Variants in PTPRS observed in about 807,000 individuals in gnomAD.
PTPRS encodes protein tyrosine phosphatase receptor type S.
PTPRS carries 63 observed loss-of-function variants against 215.3 expected under a neutral mutation model. The observed-to-expected ratio is 0.29, with a 90% CI of 0.24 to 0.36. PTPRS has a LOEUF of 0.36. Among genes scored for constraint, PTPRS ranks in the 10% least tolerant of loss-of-function variants. PTPRS has a pLI of 1.00. For missense variants in PTPRS, 2,258 were observed against 2,825.8 expected (o/e 0.80, Z 4.56); for synonymous variants, 1,404 against 1,191.4 (o/e 1.18, Z -3.68).
Position 5,223,291 on chromosome 19 carries a change from C to T in PTPRS, c.2501G>A (p.Gly834Asp). The change falls in exon 18 of 38, where the codon GGC (glycine) becomes GAC (aspartate). Residue 834 changes from glycine to aspartate, a missense_variant. This residue lies in a region of PTPRS where 371 missense variants were observed against 446.7 expected (regional missense o/e 0.83). Coordinates refer to ENST00000262963, the MANE Select transcript of PTPRS (RefSeq NM_002850.4). ...KVVVTKGAVL[G>D]RPTLSVQQTP... ...CTGCTGCACCGACAGGGTTGGGCGG[C>T]CCAGCACTGCGGGGATACGGGGCAG... is the stretch of plus-strand genomic sequence containing the variant. 1 of 1,460,508 alleles carries T rather than the reference C, an allele frequency of 6.8e-7. No individual in the cohort carries two copies. The highest frequency in any genetic ancestry group is 1.4e-5 in the South Asian group (1 of 69,252). 90.5% of individuals were successfully genotyped at this position (1,460,508 alleles called of 1,614,324 possible). A position where few individuals can be genotyped will look rare whatever the true frequency, so the allele number is the denominator to read the frequency against.
chr19:5,222,320 C>T (rs541965693), intron 18 of PTPRS, 100 bp from the exon 19 acceptor site: 276 of 974,548 alleles, frequency 2.8e-4, no homozygotes, highest in East Asian at 3.7e-4. Context: ...GCGGCCCAGG[C>T]GCTCCCTGTC....
Position 5,206,828 on chromosome 19 carries a change from G to T in PTPRS, c.5793C>A (p.Phe1931Leu). 1.2e-6 allele frequency: 2 copies of T among 1,614,132 alleles called. No homozygotes were observed. Among genetic ancestry groups the T allele is most frequent in the Non-Finnish European group, 8.5e-7 (1 of 1,179,982 alleles). Reference sequence around the variant, plus strand: ...GGTACTCCAGTGCCGCCTGGTAACAGAACTGGTACTCATCCTGGGGGAGCA... The same window carrying T: ...GGTACTCCAGTGCCGCCTGGTAACATAACTGGTACTCATCCTGGGGGAGCA... ...AMVQTEDEYQ[F>L]CYQAALEYLG... The change falls in exon 38 of 38, where the codon TTC becomes TTA. Residue 1931 changes from phenylalanine (F) to leucine (L), a missense_variant. This residue lies in a region of PTPRS where 89 missense variants were observed against 104.0 expected (regional missense o/e 0.86). Coordinates refer to ENST00000262963, the MANE Select transcript of PTPRS (RefSeq NM_002850.4).
At chr19:5,265,366 G>C (rs2046325272) in intron 4 of PTPRS, among the ~76,000 whole-genome samples, 170 bp from the exon 5 acceptor site, 2 of 152,120 alleles carry the variant, frequency 1.3e-5, no homozygotes, top group Admixed American at 1.3e-4. Context: ...TTTTGAGACA[G>C]GGTCTTGCTC....
At chr19:5,217,355 C>CGTGT (rs1194788686) in intron 25 of PTPRS, among the ~76,000 whole-genome samples, 1 of 152,202 alleles carries the variant, frequency 6.6e-6, no homozygotes, top group African/African-American at 2.4e-5. Context: ...ATTTAAAATT[C>CGTGT]TCATTTGGCT....
At chr19:5,328,527 C>T (rs531666066) in intron 1 of PTPRS, among the ~76,000 whole-genome samples, 20 of 152,234 alleles carry the variant, frequency 1.3e-4, no homozygotes, top group South Asian at 4.1e-4. Flanking sequence ...CGTGAACCAC[C>T]GCGCCCGGCC....
rs34686027 is a variant in PTPRS at position 5,322,898 on chromosome 19, AAAGAAG to A, written c.-95+17760_-95+17765del. ...CCGTCTCAAAAAAAAAAAAAAAAAAAAAGAAGAAGAAGAAGAAGAAAAAGAAAAAAC... is the reference window on the plus strand; with the variant it reads ...CCGTCTCAAAAAAAAAAAAAAAAAAAAAGAAGAAGAAGAAAAAGAAAAAAC... On this transcript the variant is annotated intron_variant, in intron 1 of 37. Coordinates refer to ENST00000262963, the MANE Select transcript of PTPRS (RefSeq NM_002850.4). Among the ~76,000 whole-genome samples the A allele has an allele frequency of 6.7e-3, 800 of 120,208 alleles. 26 individuals are homozygous for A. Among genetic ancestry groups the A allele is most frequent in the South Asian group, 0.012 (47 of 3,834 alleles). The allele number at this position is 120,208 out of a possible 152,430, so 78.9% of individuals were successfully genotyped here.
At chr19:5,286,019 G>A in intron 2 of PTPRS, 31 bp downstream of exon 2, 1 of 1,591,230 alleles carries the variant, frequency 6.3e-7, no homozygotes, top group South Asian at 1.1e-5. Flanking sequence ...CAAACACGCA[G>A]ACCCCTGCAC....
rs1375086977 is a variant in PTPRS at position 5,210,195 on chromosome 19, C to T, written c.5487+274G>A. ...TAACATCATCCTCCACAGGTGGCTGCTTCCAGAGGAAAGCCCCATTCACTT... is the reference window on the plus strand; with the variant it reads ...TAACATCATCCTCCACAGGTGGCTGTTTCCAGAGGAAAGCCCCATTCACTT... On this transcript the variant is annotated intron_variant, in intron 35 of 37. Coordinates refer to ENST00000262963, the MANE Select transcript of PTPRS (RefSeq NM_002850.4). This position sits in a 1 kb window ranked among gnomAD's most constrained non-coding sequence, Gnocchi z 4.5. Among the ~76,000 whole-genome samples the T allele has an allele frequency of 6.6e-6, 1 of 152,222 alleles. No individual in the cohort carries two copies. The highest frequency in any genetic ancestry group is 6.5e-5 in the Admixed American group (1 of 15,278).
rs953960421 is a variant in PTPRS, at chr19:5,316,452, C to T, written c.-95+24212G>A. Among the ~76,000 whole-genome samples the T allele has an allele frequency of 1.2e-4, 18 of 152,010 alleles. 1 individual carries two copies. The highest frequency in any genetic ancestry group is 4.3e-4 in the African/African-American group (18 of 41,388). On this transcript the variant is annotated intron_variant, in intron 1 of 37. Transcript: ENST00000262963. ...CTGTCACCGAGGCTGGAGTGTGGTGCTGTGATCTTGGCTCACCGCAACCTC... is the reference window on the plus strand; with the variant it reads ...CTGTCACCGAGGCTGGAGTGTGGTGTTGTGATCTTGGCTCACCGCAACCTC...
At chr19:5,211,838 T>C in intron 32 of PTPRS, 70 bp from the exon 33 acceptor site, 2 of 1,588,544 alleles carry the variant, frequency 1.3e-6, no homozygotes, top group Non-Finnish European at 1.7e-6. Context: ...GGAGCACCAA[T>C]GGTGGATAGG....
intron 1 of PTPRS, among the ~76,000 whole-genome samples, chr19:5,331,823 T>C (rs1486283075): frequency 6.6e-6 from 1 of 152,208 alleles, no homozygotes; most frequent in Non-Finnish European, 1.5e-5. Context: ...TTAAGTCAAG[T>C]TTATCATTAT....
At chr19:5,277,983 G>A (rs1345339227) in intron 2 of PTPRS, 34 of 1,423,364 alleles carry the variant, frequency 2.4e-5, no homozygotes, top group Non-Finnish European at 1.3e-5. Context: ...CAGCGTCAAG[G>A]AGCTGGAAGT....
At chr19:5,258,169 C>A in intron 7 of PTPRS, 42 bp from the exon 8 acceptor site, 1 of 1,529,210 alleles carries the variant, frequency 6.5e-7, no homozygotes. Flanking sequence ...TAGAGGGGGG[C>A]CCAGGAGTGA....
chr19:5,221,483 C>G (rs1437126891), intron 19 of PTPRS, among the ~76,000 whole-genome samples: 3 of 151,832 alleles, frequency 2.0e-5, no homozygotes, highest in Admixed American at 6.6e-5. Flanking sequence ...CCAGCTGAGT[C>G]CTGATCCTAG....
At chr19:5,327,354 C>T (rs945010957) in intron 1 of PTPRS, among the ~76,000 whole-genome samples, 1 of 152,132 alleles carries the variant, frequency 6.6e-6, no homozygotes, top group Admixed American at 6.6e-5. Flanking sequence ...CTTCCAATAC[C>T]AAGACCCTTC....
intron 17 of PTPRS, among the ~76,000 whole-genome samples, chr19:5,224,890 G>A (rs1426003903): frequency 3.9e-5 from 6 of 152,116 alleles, no homozygotes; most frequent in African/African-American, 1.4e-4. Flanking sequence ...ACACAGTGGT[G>A]TGGCTACAAG....
At chr19:5,235,230 G>A (rs756139157) in intron 13 of PTPRS, among the ~76,000 whole-genome samples, 8 of 151,986 alleles carry the variant, frequency 5.3e-5, no homozygotes, top group Non-Finnish European at 7.4e-5. Flanking sequence ...ATGAGCCGCC[G>A]CGCCCGGCCA....
At chr19:5,334,122 GC>G (rs2050417013) in intron 1 of PTPRS, among the ~76,000 whole-genome samples, 1 of 152,156 alleles carries the variant, frequency 6.6e-6, no homozygotes, top group Admixed American at 6.5e-5. Flanking sequence ...CCCGCCAGTC[GC>G]CCAGTCCTGC....
chr19:5,313,312 G>C (rs953240983), intron 1 of PTPRS, among the ~76,000 whole-genome samples: 8 of 152,210 alleles, frequency 5.3e-5, no homozygotes, highest in African/African-American at 1.9e-4. Flanking sequence ...AGATGCTCAA[G>C]GGCAAAGTGA....
Sources: gnomAD v4.1 joint callset for allele counts (sites outside exome capture counted in the v4.1 genomes callset) on GRCh38, gnomAD v4.1.1 for gene constraint, gnomAD v4.1.1 regional missense constraint, Gnocchi (gnomAD v3.1) non-coding constraint, MANE v1.5 for transcripts, NCBI Gene and HGNC (gene_info 2026-07-23, HGNC 2026-07-21) for gene names.